WDR41: variants seen among roughly 807,000 people sequenced by gnomAD.
The protein encoded by WDR41 is WD repeat domain 41.
A neutral mutation model predicts 69.3 loss-of-function variants in WDR41; 63 were observed. The observed-to-expected ratio is 0.91, with a 90% confidence interval of 0.74 to 1.12. WDR41 has a LOEUF of 1.12. WDR41 is among the 50% of genes most tolerant of loss of function. The pLI is 0.00. For synonymous variants in WDR41, 185 were observed against 192.1 expected, an observed-to-expected ratio of 0.96 and a Z score of 0.31; for missense variants, 543 against 534.5, an observed-to-expected ratio of 1.02 and a Z score of -0.16.
At chr5:77,510,805 T>C (rs1349821586) in intron 1 of WDR41, among the ~76,000 whole-genome samples, 1 of 124,506 alleles carries the variant, frequency 8.0e-6, no homozygotes, top group Non-Finnish European at 1.6e-5. Flanking sequence ...GGAGTCTCAC[T>C]CCATCTCCCA....
chr5:77,471,380 A>G (rs183207575), intron 2 of WDR41, among the ~76,000 whole-genome samples: 169 of 152,290 alleles, frequency 1.1e-3, no homozygotes, highest in African/African-American at 3.8e-3. Context: ...GAAAAGCAAG[A>G]GCAAACACAT....
At chr5:77,548,750 C>A (rs909288378) in intron 1 of WDR41, among the ~76,000 whole-genome samples, 1 of 152,132 alleles carries the variant, frequency 6.6e-6, no homozygotes, top group Non-Finnish European at 1.5e-5. Context: ...AGTAGAACTA[C>A]CATTTGATCC....
chr5:77,549,192 T>C (rs888123778), intron 1 of WDR41, among the ~76,000 whole-genome samples: 4 of 152,136 alleles, frequency 2.6e-5, no homozygotes, highest in Non-Finnish European at 4.4e-5. Context: ...GTATACTGCC[T>C]GGGTGATGGG....
At chr5:77,504,688 G>A (rs1237686508) in intron 1 of WDR41, among the ~76,000 whole-genome samples, 1 of 152,158 alleles carries the variant, frequency 6.6e-6, no homozygotes, top group Non-Finnish European at 1.5e-5. Flanking sequence ...AATCAAGTCA[G>A]CTTCATCCCT....
chr5:77,479,029 A>T (rs1252198210), intron 2 of WDR41, among the ~76,000 whole-genome samples: 1 of 151,670 alleles, frequency 6.6e-6, no homozygotes, highest in Non-Finnish European at 1.5e-5. Context: ...TTATACACCA[A>T]CAACAAACAG....
intron 1 of WDR41, among the ~76,000 whole-genome samples, chr5:77,549,057 C>A (rs1561221463): frequency 6.6e-6 from 1 of 151,472 alleles, no homozygotes; most frequent in Admixed American, 6.6e-5. Context: ...ATCGTATGTT[C>A]TCGCTTATAG....
intron 1 of WDR41, among the ~76,000 whole-genome samples, chr5:77,567,891 A>T (rs1350586057): frequency 1.3e-5 from 2 of 151,864 alleles, no homozygotes; most frequent in African/African-American, 4.8e-5. Flanking sequence ...ATAGTGATTC[A>T]AGTATGAAGG....
chr5:77,588,937 C>T (rs1484312254), intron 1 of WDR41, among the ~76,000 whole-genome samples: 3 of 152,152 alleles, frequency 2.0e-5, no homozygotes, highest in Non-Finnish European at 4.4e-5. Context: ...GGAACACCAG[C>T]AAGCACTTCA....
chr5:77,489,656 C>T (rs1801681635), intron 1 of WDR41, 84 bp from the exon 2 acceptor site: 1 of 811,508 alleles, frequency 1.2e-6, no homozygotes. Flanking sequence ...TGGAATATAA[C>T]TCCATGGTAT....
At chr5:77,560,571 G>A (rs73126046) in intron 1 of WDR41, among the ~76,000 whole-genome samples, 21,835 of 151,968 alleles carry the variant, frequency 0.14, 2,346 homozygotes, top group African/African-American at 0.28. Flanking sequence ...GAACAGACTC[G>A]CTGGCTGACT....
At chr5:77,582,692 G>A (rs1743961268) in intron 1 of WDR41, 10 of 1,598,032 alleles carry the variant, frequency 6.3e-6, no homozygotes, top group South Asian at 2.2e-5. Flanking sequence ...CCAAAGGTCC[G>A]AAAGGTGTTG....
chr5:77,566,585 T>A (rs530856310), intron 1 of WDR41, among the ~76,000 whole-genome samples: 1 of 152,166 alleles, frequency 6.6e-6, no homozygotes, highest in Non-Finnish European at 1.5e-5. Context: ...TTGCTGCCAT[T>A]TTTTAAAGAA....
chr5:77,524,017 G>C (rs1409657018), intron 1 of WDR41, among the ~76,000 whole-genome samples: 2 of 152,070 alleles, frequency 1.3e-5, no homozygotes, highest in African/African-American at 4.8e-5. Context: ...CGCTGACTAT[G>C]ATTTTTCTAA....
chr5:77,532,731 C>T (rs1311418637), intron 1 of WDR41, among the ~76,000 whole-genome samples: 1 of 151,910 alleles, frequency 6.6e-6, no homozygotes, highest in South Asian at 2.1e-4. Context: ...AACTCAAAAA[C>T]AGGCAAAACT....
chr5:77,468,836 T>A (rs540202112), intron 2 of WDR41, among the ~76,000 whole-genome samples: 94 of 152,292 alleles, frequency 6.2e-4, no homozygotes, highest in African/African-American at 2.1e-3. Flanking sequence ...GATCATCTCA[T>A]CATTTTTTTT....
At chr5:77,543,848 T>C (rs958815526) in intron 1 of WDR41, among the ~76,000 whole-genome samples, 2 of 152,080 alleles carry the variant, frequency 1.3e-5, no homozygotes, top group African/African-American at 4.8e-5. Flanking sequence ...CCTAGCCACA[T>C]TGTCATCAGA....
chr5:77,563,044 C>A (rs1036359686), intron 1 of WDR41, among the ~76,000 whole-genome samples: 1 of 152,198 alleles, frequency 6.6e-6, no homozygotes, highest in South Asian at 2.1e-4. Context: ...GAGCAAGTAC[C>A]GCATCTATTT....
At chr5:77,446,570 A>T (rs952153597) in intron 8 of WDR41, among the ~76,000 whole-genome samples, 5 of 152,324 alleles carry the variant, frequency 3.3e-5, no homozygotes. Context: ...ATTGGTACCA[A>T]AACAGACATA....
At chr5:77,471,954 G>A (rs932305893) in intron 2 of WDR41, among the ~76,000 whole-genome samples, 37 of 152,080 alleles carry the variant, frequency 2.4e-4, no homozygotes, top group African/African-American at 6.5e-4. Flanking sequence ...ACCAAAGCCG[G>A]GCAGAGACAT....
Sources: allele counts gnomAD v4.1 joint callset (sites outside exome capture counted in the v4.1 genomes callset), GRCh38; gene constraint gnomAD v4.1.1; transcripts MANE v1.5; gene names NCBI Gene and HGNC (gene_info 2026-07-23, HGNC 2026-07-21).